The following UBE2D2 variants were observed in gnomAD, a reference collection of about 807,000 sequenced individuals.
The protein encoded by UBE2D2 is ubiquitin-conjugating enzyme E2 D2.
In UBE2D2, 2 loss-of-function variants were observed where a neutral mutation model predicts 24.2. That is an observed-to-expected ratio of 0.08 (90% CI 0.03 to 0.26). The LOEUF is 0.26. Among genes scored for constraint, UBE2D2 ranks in the 10% least tolerant of loss-of-function variants. UBE2D2 has a pLI of 1.00. For missense variants in UBE2D2, 44 were observed against 177.6 expected (o/e 0.25, Z 4.28); for synonymous variants, 58 against 56.5 (o/e 1.03, Z -0.12).
intron 6 of UBE2D2, 56 bp from the exon 7 acceptor site, chr5:139,626,700 C>G: frequency 7.0e-7 from 1 of 1,422,566 alleles, no homozygotes; most frequent in Non-Finnish European, 9.9e-7. Flanking sequence ...TGAATGGAAT[C>G]TGTTGCTTAC....
chr5:139,555,618 ACTC>A (rs1479528474), intron 1 of UBE2D2, among the ~76,000 whole-genome samples: 1 of 151,772 alleles, frequency 6.6e-6, no homozygotes, highest in Non-Finnish European at 1.5e-5. Context: ...GGTCATCTAA[ACTC>A]CTACTTTAAG....
At chr5:139,560,576 C>G (rs1363759628), upstream of UBE2D2, among the ~76,000 whole-genome samples, 1 of 152,176 alleles carries the variant, frequency 6.6e-6, no homozygotes, top group Non-Finnish European at 1.5e-5. Flanking sequence ...AGGTGATGCG[C>G]CAGCCTCAGC....
chr5:139,545,320 G>A (rs1320780658), intron 1 of UBE2D2, among the ~76,000 whole-genome samples: 1 of 151,482 alleles, frequency 6.6e-6, no homozygotes, highest in African/African-American at 2.4e-5. Flanking sequence ...CTCCTGCCTC[G>A]GCCTCTAGAG....
intron 1 of UBE2D2, chr5:139,562,291 T>C: frequency 7.4e-7 from 1 of 1,353,252 alleles, no homozygotes; most frequent in Non-Finnish European, 9.8e-7. Context: ...GGAAGCCGTT[T>C]TGCCCGATCC....
At chr5:139,543,472 G>A (rs188795403) in intron 1 of UBE2D2, among the ~76,000 whole-genome samples, 17 of 152,308 alleles carry the variant, frequency 1.1e-4, no homozygotes, top group South Asian at 2.1e-4. Flanking sequence ...TGGATTGCAC[G>A]TCAGTAGGCG....
In UBE2D2 at chr5:139,614,061, CAAAAAAAAAAAA is replaced by C. The variant is rs34610126; in HGVS notation, c.89-516_89-505del. 6.2e-3 allele frequency among the ~76,000 whole-genome samples: 551 copies of C among 89,248 alleles called. 4 individuals carry two copies. The highest frequency in any genetic ancestry group is 0.021 in the African/African-American group (534 of 25,554). The allele number at this position is 89,248 out of a possible 152,430, so 58.6% of individuals were successfully genotyped here. A position where few individuals can be genotyped will look rare whatever the true frequency, so the allele number is the denominator to read the frequency against. Reference sequence around the variant, plus strand: ...TGGGCGATAGAGTGAGACTCTGTCTCAAAAAAAAAAAAAAAAAAAAGTGTATTATATGTAATT... The same window carrying C: ...TGGGCGATAGAGTGAGACTCTGTCTCAAAAAAAAGTGTATTATATGTAATT... On this transcript the variant is annotated intron_variant, in intron 2 of 6. Coordinates refer to ENST00000398733, the MANE Select transcript of UBE2D2 (RefSeq NM_003339.3).
chr5:139,547,695 TA>T (rs777523698), intron 1 of UBE2D2, among the ~76,000 whole-genome samples: 380 of 151,402 alleles, frequency 2.5e-3, no homozygotes, highest in Non-Finnish European at 3.5e-3. Context: ...TTATTTTATT[TA>T]TTTTTTTATT....
At chr5:139,535,369 T>C (rs1178403844) in intron 1 of UBE2D2, among the ~76,000 whole-genome samples, 1 of 151,000 alleles carries the variant, frequency 6.6e-6, no homozygotes, top group African/African-American at 2.4e-5. Flanking sequence ...GGCAGGAGAA[T>C]TGCTTGAACC....
intron 1 of UBE2D2, among the ~76,000 whole-genome samples, chr5:139,593,812 T>TA (rs1753904378): frequency 6.6e-6 from 1 of 152,098 alleles, no homozygotes; most frequent in Admixed American, 6.6e-5. Flanking sequence ...GATAGAGTCT[T>TA]ACTGTGTTGA....
intron 1 of UBE2D2, among the ~76,000 whole-genome samples, chr5:139,566,716 A>T (rs756567866): frequency 6.6e-6 from 1 of 152,130 alleles, no homozygotes; most frequent in Non-Finnish European, 1.5e-5. Context: ...TCTGATGTCT[A>T]TAAAAGCCAG....
rs1346270544 is a variant in UBE2D2 at position 139,527,904 on chromosome 5, G to A, written c.-64+1292G>A. ...AAGCAATTGTTATGCTTGTGCACAT[G>A]GCAGGCCAGAGGCCCTGATTGTCCC... On this transcript the variant is annotated intron_variant, in intron 1 of 6. Coordinates refer to the UBE2D2 transcript ENST00000511725. 2.6e-5 allele frequency among the ~76,000 whole-genome samples: 4 copies of A among 152,218 alleles called. No individual in the cohort carries two copies. The East Asian group carries it at 7.7e-4, about 29-fold the overall frequency.
intron 2 of UBE2D2, among the ~76,000 whole-genome samples, chr5:139,613,994 G>A (rs1378726899): frequency 6.6e-6 from 1 of 151,792 alleles, no homozygotes; most frequent in African/African-American, 2.4e-5. Context: ...CCCGGGAGGC[G>A]GGGGTTGCAA....
At chr5:139,550,549 A>G (rs1016031625) in intron 1 of UBE2D2, among the ~76,000 whole-genome samples, 4 of 152,150 alleles carry the variant, frequency 2.6e-5, no homozygotes, top group Admixed American at 6.5e-5. Context: ...CAACTGGCTC[A>G]GGTTCTCTTC....
At chr5:139,606,274 G>T (rs548225130) in intron 2 of UBE2D2, among the ~76,000 whole-genome samples, 1 of 152,206 alleles carries the variant, frequency 6.6e-6, no homozygotes, top group South Asian at 2.1e-4. Context: ...CAATTCTCCT[G>T]TCTCCGCCTC....
intron 1 of UBE2D2, among the ~76,000 whole-genome samples, chr5:139,573,351 A>G (rs1753395392): frequency 6.6e-6 from 1 of 151,996 alleles, no homozygotes; most frequent in Admixed American, 6.6e-5. Flanking sequence ...AACATCTGTC[A>G]TTCTTATTTT....
At chr5:139,537,491 G>T (rs987533334) in intron 1 of UBE2D2, among the ~76,000 whole-genome samples, 1 of 151,596 alleles carries the variant, frequency 6.6e-6, no homozygotes, top group African/African-American at 2.4e-5. Context: ...GCTTTGTTTT[G>T]TTTTGAGACA....
At chr5:139,580,074 G>A (rs928000413) in intron 1 of UBE2D2, among the ~76,000 whole-genome samples, 2 of 150,866 alleles carry the variant, frequency 1.3e-5, no homozygotes, top group African/African-American at 4.9e-5. Context: ...TGTTCCCATA[G>A]ATAAGGCTCA....
chr5:139,574,579 G>A (rs898429174), intron 1 of UBE2D2, among the ~76,000 whole-genome samples: 8 of 151,914 alleles, frequency 5.3e-5, no homozygotes, highest in African/African-American at 1.9e-4. Context: ...CTGTAGAATC[G>A]TTTCTTAGTG....
At chr5:139,609,179 G>C (rs900726120) in intron 2 of UBE2D2, among the ~76,000 whole-genome samples, 8 of 152,162 alleles carry the variant, frequency 5.3e-5, no homozygotes, top group African/African-American at 4.8e-5. Context: ...ATCCTGAAAA[G>C]ACTAGTGAAG....
Sources: gnomAD v4.1 joint callset for allele counts (sites outside exome capture counted in the v4.1 genomes callset) on GRCh38, gnomAD v4.1.1 for gene constraint, MANE v1.5 for transcripts, NCBI Gene and HGNC (gene_info 2026-07-23, HGNC 2026-07-21) for gene names.